Variants in SGPL1 observed in about 807,000 individuals in gnomAD.
SGPL1 encodes SP-lyase 1.
In SGPL1, 37 loss-of-function variants were observed where a neutral mutation model predicts 68.9. The ratio of observed to expected loss-of-function variants is 0.54; its 90% confidence interval spans 0.41 to 0.71. SGPL1 has a LOEUF of 0.71. SGPL1 is among the 30% of genes least tolerant of loss of function. The probability of loss-of-function intolerance (pLI) is 0.00; values close to 1 mark genes in which losing one functional copy is unlikely to be tolerated. For synonymous variants in SGPL1, 236 were observed against 248.5 expected (o/e 0.95, Z 0.47); for missense variants, 551 against 704.6 (o/e 0.78, Z 2.47).
chr10:70,857,937 G>T (rs79709498), intron 6 of SGPL1, among the ~76,000 whole-genome samples: 1 of 152,152 alleles, frequency 6.6e-6, no homozygotes, highest in African/African-American at 2.4e-5. Flanking sequence ...TGTCTAGAAG[G>T]CAGATTACTA....
At position 70,871,993 on chromosome 10, in the gene SGPL1, T is replaced by C. The variant is rs1462018644; in HGVS notation, c.1059+7T>C. The C allele has an allele frequency of 1.2e-6, 2 of 1,612,194 alleles. No homozygotes were observed. Among genetic ancestry groups the C allele is most frequent in the Non-Finnish European group, 1.7e-6 (2 of 1,179,412 alleles). ...TTCAGCTGACACCCATAAGGTGAGC[T>C]AAGGAGGAGATCAAGTGTTACCAGT... On this transcript the variant is annotated splice_region_variant and intron_variant, in intron 11 of 14. Transcript: ENST00000373202.
intron 2 of SGPL1, among the ~76,000 whole-genome samples, chr10:70,818,805 C>G (rs953005068): frequency 7.2e-5 from 11 of 152,008 alleles, no homozygotes; most frequent in Non-Finnish European, 1.3e-4. Context: ...TAATTAATAC[C>G]CTTATATAAC....
chr10:70,846,211 T>C (rs1293769708), intron 3 of SGPL1, among the ~76,000 whole-genome samples: 1 of 152,208 alleles, frequency 6.6e-6, no homozygotes, highest in Non-Finnish European at 1.5e-5. Context: ...GAAATTAGAC[T>C]GGCCGGCCCT....
intron 13 of SGPL1, among the ~76,000 whole-genome samples, 157 bp from the exon 14 acceptor site, chr10:70,876,384 G>A (rs1846385839): frequency 6.6e-6 from 1 of 152,166 alleles, no homozygotes; most frequent in African/African-American, 2.4e-5. Flanking sequence ...AAGCATGAGA[G>A]AGCCGAGATT....
At chr10:70,828,317 A>AT (rs1212385642) in intron 2 of SGPL1, among the ~76,000 whole-genome samples, 1 of 151,974 alleles carries the variant, frequency 6.6e-6, no homozygotes, top group African/African-American at 2.4e-5. Context: ...CTTTTATTTT[A>AT]TTTTTTATTT....
chr10:70,877,467 T>C lies in SGPL1; in HGVS notation c.*132T>C. The C allele has an allele frequency of 1.3e-6, 1 of 764,902 alleles. No individual in the cohort carries two copies. Among genetic ancestry groups the C allele is most frequent in the Non-Finnish European group, 2.1e-6 (1 of 485,520 alleles). The allele number at this position is 764,902 out of a possible 1,614,324, so 47.4% of individuals were successfully genotyped here. A position where few individuals can be genotyped will look rare whatever the true frequency, so the allele number is the denominator to read the frequency against. ...AACTCAAGATAGACCATGAGACAGC[T>C]TGAGCCTCAGGATTCTTGTTCTTCC... On this transcript the variant is annotated 3_prime_UTR_variant, in exon 15 of 15. Transcript: ENST00000373202.
chr10:70,825,465 C>A (rs754274959), intron 2 of SGPL1, among the ~76,000 whole-genome samples: 2 of 152,110 alleles, frequency 1.3e-5, no homozygotes, highest in Non-Finnish European at 2.9e-5. Context: ...TCTTAAAAGG[C>A]ACAAATGAGG....
At chr10:70,822,601 G>C (rs1353431795) in intron 2 of SGPL1, among the ~76,000 whole-genome samples, 2 of 152,300 alleles carry the variant, frequency 1.3e-5, no homozygotes, top group Middle Eastern at 3.4e-3. Flanking sequence ...GTGGGGGAAG[G>C]GGAGATAGGG....
chr10:70,866,091 A>C (rs925442680), intron 7 of SGPL1, among the ~76,000 whole-genome samples: 10 of 152,218 alleles, frequency 6.6e-5, no homozygotes, highest in African/African-American at 2.4e-4. Context: ...ATACATATTA[A>C]AAGTAGAACT....
At chr10:70,873,261 A>C in intron 11 of SGPL1, 90 bp from the exon 12 acceptor site, 1 of 924,312 alleles carries the variant, frequency 1.1e-6, no homozygotes, top group Admixed American at 1.8e-5. Flanking sequence ...AGAAATAAAT[A>C]GGATTTCCTT....
rs558786163 is a variant in SGPL1, at chr10:70,846,770, T to G, written c.193+2132T>G. ...TAGGTATTCTTTTTAAAACAAATTTTAAAATTAATTGGCAAATAAACATTG... is the reference window on the plus strand; with the variant it reads ...TAGGTATTCTTTTTAAAACAAATTTGAAAATTAATTGGCAAATAAACATTG... On this transcript the variant is annotated intron_variant, in intron 3 of 14. Transcript: ENST00000373202. Among the ~76,000 whole-genome samples the G allele has an allele frequency of 2.0e-5, 3 of 152,376 alleles. No homozygotes were observed. The South Asian group carries it at 6.2e-4, about 32-fold the overall frequency.
intron 3 of SGPL1, among the ~76,000 whole-genome samples, chr10:70,847,704 T>G (rs1179396846): frequency 6.6e-6 from 1 of 152,216 alleles, no homozygotes; most frequent in Non-Finnish European, 1.5e-5. Flanking sequence ...ATTTGGTAAT[T>G]TCCAACTTGA....
chr10:70,860,262 G>A (rs540232786), intron 7 of SGPL1: 63 of 399,528 alleles, frequency 1.6e-4, no homozygotes, highest in Admixed American at 1.0e-3. Context: ...TCAATATGCT[G>A]CAATGGTGTC....
intron 6 of SGPL1, among the ~76,000 whole-genome samples, chr10:70,858,852 A>G (rs2131911484): frequency 6.6e-6 from 1 of 152,288 alleles, no homozygotes; most frequent in Admixed American, 6.5e-5. Context: ...AGTTCCACTC[A>G]GCAGACACCT....
chr10:70,876,622 T>A lies in SGPL1; in HGVS notation c.1527T>A (p.Thr509=), dbSNP rs774522877. 2.5e-6 allele frequency: 4 copies of A among 1,613,844 alleles called. No individual in the cohort carries two copies. The East Asian group carries it at 6.7e-5, about 27-fold the overall frequency. ...TAAAGGACATTCGAGAATCTGTCACTCAAATCATGAAGAATCCTAAAGCGA... is the reference window on the plus strand; with the variant it reads ...TAAAGGACATTCGAGAATCTGTCACACAAATCATGAAGAATCCTAAAGCGA... ...QFLKDIRESV[T]QIMKNPKAKT... is the part of the protein sequence containing the mutation. The change falls in exon 14 of 15, where the codon ACT becomes ACA. Residue 509 remains threonine (T), a synonymous_variant. Coordinates refer to ENST00000373202, the MANE Select transcript of SGPL1 (RefSeq NM_003901.4).
intron 2 of SGPL1, among the ~76,000 whole-genome samples, chr10:70,839,759 G>A (rs1334402954): frequency 6.6e-6 from 1 of 152,066 alleles, no homozygotes; most frequent in Non-Finnish European, 1.5e-5. Context: ...AGTGGGAATA[G>A]TAATTATAAT....
At position 70,879,793 on chromosome 10, in the gene SGPL1, T is replaced by G. The variant is rs1334585731; in HGVS notation, c.*2458T>G. On this transcript the variant is annotated 3_prime_UTR_variant, in exon 15 of 15. Coordinates refer to ENST00000373202, the MANE Select transcript of SGPL1 (RefSeq NM_003901.4). Reference sequence around the variant, plus strand: ...ACTTTTGTAGGCTTTTCATTGTGTATTTTTGTGTATGTGTGCATATAGCAG... The same window carrying G: ...ACTTTTGTAGGCTTTTCATTGTGTAGTTTTGTGTATGTGTGCATATAGCAG... The G allele has an allele frequency of 6.6e-6, 1 of 152,644 alleles. No homozygotes were observed. Among genetic ancestry groups the G allele is most frequent in the East Asian group, 1.9e-4 (1 of 5,200 alleles). 9.5% of individuals were successfully genotyped at this position (152,644 alleles called of 1,614,324 possible). A position where few individuals can be genotyped will look rare whatever the true frequency, so the allele number is the denominator to read the frequency against.
At chr10:70,844,766 A>C in intron 3 of SGPL1, 128 bp downstream of exon 3, 7 of 864,640 alleles carry the variant, frequency 8.1e-6, no homozygotes, top group Non-Finnish European at 1.1e-5. Flanking sequence ...TTTGAGACGG[A>C]GTCTCCATCT....
intron 2 of SGPL1, among the ~76,000 whole-genome samples, chr10:70,825,951 A>G (rs1845427503): frequency 6.6e-6 from 1 of 152,164 alleles, no homozygotes; most frequent in Non-Finnish European, 1.5e-5. Flanking sequence ...GGAGGCCGAA[A>G]TGGGCGGATC....
Sources: gnomAD v4.1 joint callset for allele counts (sites outside exome capture counted in the v4.1 genomes callset) on GRCh38, gnomAD v4.1.1 for gene constraint, MANE v1.5 for transcripts, NCBI Gene and HGNC (gene_info 2026-07-23, HGNC 2026-07-21) for gene names.